Variants in SCFD2 observed in about 807,000 individuals in gnomAD.
SCFD2 encodes the protein sec1 family domain-containing protein 2.
In SCFD2, 54 loss-of-function variants were observed where a neutral mutation model predicts 58.9. The ratio of observed to expected loss-of-function variants is 0.92; its 90% CI spans 0.74 to 1.15. SCFD2 has a LOEUF of 1.15. Among genes scored for constraint, SCFD2 ranks in the 50% most tolerant of loss-of-function variants. The pLI is 0.00. For missense variants in SCFD2, 805 were observed against 836.6 expected, an observed-to-expected ratio of 0.96 and a Z score of 0.47; for synonymous variants, 321 against 335.9, an observed-to-expected ratio of 0.96 and a Z score of 0.49.
intron 5 of SCFD2, among the ~76,000 whole-genome samples, chr4:53,086,939 T>C (rs1375937970): frequency 6.6e-6 from 1 of 151,986 alleles, no homozygotes; most frequent in Non-Finnish European, 1.5e-5. Context: ...GGAAAAAAGA[T>C]AGTTGGAAAG....
chr4:53,362,130 A>G (rs999303023), intron 1 of SCFD2, among the ~76,000 whole-genome samples: 3 of 152,120 alleles, frequency 2.0e-5, no homozygotes, highest in East Asian at 1.9e-4. Flanking sequence ...AGGGTAAGAG[A>G]GTGTCAAAGA....
intron 2 of SCFD2, among the ~76,000 whole-genome samples, chr4:53,336,253 T>C (rs1733679432): frequency 6.6e-6 from 1 of 152,016 alleles, no homozygotes; most frequent in Non-Finnish European, 1.5e-5. Flanking sequence ...GGAAAAGTCA[T>C]CCCACAGAAA....
chr4:53,064,283 C>A (rs1723595788), intron 5 of SCFD2, among the ~76,000 whole-genome samples: 2 of 152,090 alleles, frequency 1.3e-5, no homozygotes, highest in Admixed American at 6.6e-5. Flanking sequence ...CACCCTCCCC[C>A]TCTAGTAGTC....
In SCFD2 at chr4:53,302,548, G is replaced by A. The variant is rs529411099; in HGVS notation, c.1135+11088C>T. On this transcript the variant is annotated intron_variant, in intron 3 of 8. Transcript: ENST00000401642. ...GCCCAAGGTAATTTATAGATTCAAT[G>A]CCATCCCCATCAAGCTACCAATGCC... Among the ~76,000 whole-genome samples, 93 of 152,246 alleles carry A rather than the reference G, an allele frequency of 6.1e-4. 2 individuals are homozygous for A. Among genetic ancestry groups the A allele is most frequent in the Admixed American group, 5.5e-3 (84 of 15,302 alleles).
chr4:52,964,912 T>C (rs903292112), intron 5 of SCFD2, among the ~76,000 whole-genome samples: 2 of 152,062 alleles, frequency 1.3e-5, no homozygotes, highest in African/African-American at 4.8e-5. Context: ...TCAGATCCCA[T>C]CTTGCAATGG....
In SCFD2 at chr4:53,285,849, C is replaced by T. The variant is rs371295971; in HGVS notation, c.1136-11848G>A. Among the ~76,000 whole-genome samples the T allele has an allele frequency of 6.3e-4, 96 of 152,182 alleles. No homozygotes were observed. In the South Asian group the frequency reaches 0.015, roughly 23 times the overall value. Reference sequence around the variant, plus strand: ...CTACCAGAGAACATTGCAGTCCTCACAGGTCATGAGCCCAGTTAGGGAGCT... The same window carrying T: ...CTACCAGAGAACATTGCAGTCCTCATAGGTCATGAGCCCAGTTAGGGAGCT... On this transcript the variant is annotated intron_variant, in intron 3 of 8. Coordinates refer to ENST00000401642, the MANE Select transcript of SCFD2 (RefSeq NM_152540.4).
Position 53,011,809 on chromosome 4 carries a change from C to T in SCFD2, c.1562-90939G>A, listed in dbSNP as rs75722431. ...GTGAATTGTCAGTGACAACCTGTGG[C>T]CTGGAATTTAATTCCTTGATGCCTT... On this transcript the variant is annotated intron_variant, in intron 5 of 8. Transcript: ENST00000401642. Among the ~76,000 whole-genome samples the T allele has an allele frequency of 4.6e-4, 70 of 152,250 alleles. 1 individual carries two copies. The East Asian group carries it at 0.012, about 26-fold the overall frequency.
intron 1 of SCFD2, among the ~76,000 whole-genome samples, chr4:53,353,755 A>C (rs1383083091): frequency 4.0e-5 from 6 of 151,170 alleles, no homozygotes; most frequent in Non-Finnish European, 8.8e-5. Flanking sequence ...GTGCATTTAC[A>C]AACCTTGAGC....
At chr4:53,352,559 G>T in intron 2 of SCFD2, 39 bp downstream of exon 2, 1 of 1,523,304 alleles carries the variant, frequency 6.6e-7, no homozygotes, top group South Asian at 1.2e-5. Context: ...GAAAGGGGAA[G>T]ACAGAGAAAG....
intron 4 of SCFD2, among the ~76,000 whole-genome samples, chr4:53,185,975 G>A (rs1228617252): frequency 2.6e-5 from 4 of 152,020 alleles, no homozygotes; most frequent in South Asian, 4.1e-4. Flanking sequence ...ATTCTGCTTC[G>A]TAAGTAAAAA....
chr4:52,982,700 G>A (rs1721402010), intron 5 of SCFD2, among the ~76,000 whole-genome samples: 1 of 152,160 alleles, frequency 6.6e-6, no homozygotes, highest in Non-Finnish European at 1.5e-5. Context: ...AAGAGAATAT[G>A]CCTGATACTG....
chr4:52,975,426 AT>A (rs1371123377), intron 5 of SCFD2, among the ~76,000 whole-genome samples: 1 of 152,252 alleles, frequency 6.6e-6, no homozygotes, highest in African/African-American at 2.4e-5. Context: ...AAAAATGCTC[AT>A]CATCACTGAC....
intron 5 of SCFD2, among the ~76,000 whole-genome samples, chr4:53,002,744 C>T (rs887916268): frequency 6.6e-6 from 1 of 152,160 alleles, no homozygotes; most frequent in Non-Finnish European, 1.5e-5. Flanking sequence ...ACCTGTTGTA[C>T]CAGTCTGTTC....
intron 8 of SCFD2, among the ~76,000 whole-genome samples, chr4:52,881,808 G>T (rs148549311): frequency 6.6e-6 from 1 of 152,146 alleles, no homozygotes; most frequent in Non-Finnish European, 1.5e-5. Flanking sequence ...AATGGTACAC[G>T]TAGAGTCTCT....
At chr4:53,209,337 G>A (rs547861922) in intron 4 of SCFD2, among the ~76,000 whole-genome samples, 1 of 152,214 alleles carries the variant, frequency 6.6e-6, no homozygotes, top group Non-Finnish European at 1.5e-5. Flanking sequence ...TTGAGTAACA[G>A]ACTTTTGGTT....
chr4:53,056,984 A>C (rs1018550932), intron 5 of SCFD2, among the ~76,000 whole-genome samples: 1 of 152,122 alleles, frequency 6.6e-6, no homozygotes, highest in African/African-American at 2.4e-5. Flanking sequence ...GGAGTTGGAA[A>C]CTAGCCTGGC....
intron 5 of SCFD2, among the ~76,000 whole-genome samples, chr4:53,053,529 T>C (rs1167828880): frequency 6.6e-5 from 10 of 152,188 alleles, no homozygotes; most frequent in Non-Finnish European, 1.5e-4. Flanking sequence ...CAAAGCTCTT[T>C]GTAATCTACT....
chr4:53,127,807 T>G (rs538938939), intron 5 of SCFD2, among the ~76,000 whole-genome samples: 72 of 152,236 alleles, frequency 4.7e-4, no homozygotes, highest in African/African-American at 1.6e-3. Flanking sequence ...AAAATGACCT[T>G]CTGCTGCTCT....
intron 4 of SCFD2, among the ~76,000 whole-genome samples, chr4:53,259,739 T>C (rs1289792441): frequency 6.6e-6 from 1 of 152,196 alleles, no homozygotes; most frequent in Non-Finnish European, 1.5e-5. Flanking sequence ...GAATTGTTTT[T>C]CTAGTTCTGT....
Sources: gnomAD v4.1 joint callset for allele counts (sites outside exome capture counted in the v4.1 genomes callset) on GRCh38, gnomAD v4.1.1 for gene constraint, MANE v1.5 for transcripts, NCBI Gene and HGNC (gene_info 2026-07-23, HGNC 2026-07-21) for gene names.